HEXA: variants seen among roughly 807,000 people sequenced by gnomAD.
HEXA encodes the protein hexosaminidase subunit alpha, also known as beta-hexosaminidase subunit alpha.
Under a neutral mutation model 73.3 loss-of-function variants are expected in HEXA, and 54 were observed. That is an observed-to-expected ratio of 0.74 (90% CI 0.59 to 0.92). The LOEUF is 0.92. Among genes scored for constraint, HEXA ranks in the 40% least tolerant of loss-of-function variants. The pLI, the probability that HEXA is intolerant of heterozygous loss-of-function variation, is 0.00. For synonymous variants in HEXA, 230 were observed against 246.9 expected, an observed-to-expected ratio of 0.93 and a Z score of 0.64; for missense variants, 649 against 653.0, an observed-to-expected ratio of 0.99 and a Z score of 0.07.
chr15:72,350,481 C>T, intron 7 of HEXA, 37 bp downstream of exon 7: 9 of 1,610,622 alleles, frequency 5.6e-6, no homozygotes, highest in Non-Finnish European at 6.8e-6. Context: ...CTGAGCATAA[C>T]AAGCAGAGTC....
chr15:72,362,354 G>GT (rs2088862362), intron 1 of HEXA: 7 of 431,454 alleles, frequency 1.6e-5, no homozygotes. Flanking sequence ...AAGATATGCT[G>GT]TTTATTTGTC....
At chr15:72,369,159 T>C (rs2088954921) in intron 1 of HEXA, among the ~76,000 whole-genome samples, 1 of 152,200 alleles carries the variant, frequency 6.6e-6, no homozygotes, top group South Asian at 2.1e-4. Context: ...ATGCCACAGC[T>C]TGAAACAGGA....
rs1445600899 is a variant in HEXA at position 72,349,165 on chromosome 15, G to T, written c.900C>A (p.Phe300Leu). The change falls in exon 8 of 14, where the codon TTC becomes TTA. Residue 300 changes from phenylalanine (F) to leucine (L), a missense_variant. Phe to Leu is a conservative substitution (Grantham distance 22). Coordinates refer to ENST00000268097, the MANE Select transcript of HEXA (RefSeq NM_000520.6). ...VNPSLNNTYE[F>L]MSTFFLEVSS... ...TGACTTCTAAGAAGAATGTGCTCAT[G>T]AACTCATAGGTATTATTGAGACTGG... 2 of 1,613,556 alleles carry T rather than the reference G, an allele frequency of 1.2e-6. No individual in the cohort carries two copies. The highest frequency in any genetic ancestry group is 2.2e-5 in the South Asian group (2 of 91,054).
intron 3 of HEXA, chr15:72,355,289 G>A: frequency 2.2e-6 from 1 of 461,810 alleles, no homozygotes; most frequent in South Asian, 2.1e-5. Flanking sequence ...ACTTTGGGAG[G>A]CCGAGATGGG....
chr15:72,358,001 T>C (rs1327280946), intron 1 of HEXA: 2 of 152,044 alleles, frequency 1.3e-5, no homozygotes, highest in South Asian at 2.1e-4. Flanking sequence ...ACCCTAAAAC[T>C]ACATTGTTAC....
chr15:72,356,473 A>G, intron 2 of HEXA, 52 bp downstream of exon 2: 4 of 1,603,670 alleles, frequency 2.5e-6, no homozygotes, highest in South Asian at 1.1e-5. Flanking sequence ...CCAGAGTTAC[A>G]GCTTCAGACA....
At position 72,350,615 on chromosome 15, in the gene HEXA, T is replaced by A; in HGVS notation, c.708A>T (p.Ala236=). 2 of 1,614,060 alleles carry A rather than the reference T, an allele frequency of 1.2e-6. No homozygotes were observed. The highest frequency in any genetic ancestry group is 1.1e-5 in the South Asian group (1 of 91,078). ...ATTCAATGACCTCCTTCACATCCTG[T>A]GCTGTGTAGATGTGGGTGACAGGGT... ...SYNPVTHIYT[A]QDVKEVIEYA... Residue 236 remains alanine (A), a synonymous_variant, in exon 7 of 14, where the codon GCA becomes GCT. Transcript: ENST00000268097.
intron 2 of HEXA, 26 bp downstream of exon 2, chr15:72,356,499 A>AAGAC: frequency 1.2e-6 from 2 of 1,613,256 alleles, no homozygotes; most frequent in Non-Finnish European, 1.7e-6. Context: ...TTGCTCTTCT[A>AAGAC]AGACAGGGAA....
intron 1 of HEXA, among the ~76,000 whole-genome samples, chr15:72,362,740 G>T (rs1339248133): frequency 6.6e-6 from 1 of 151,930 alleles, no homozygotes; most frequent in Admixed American, 6.5e-5. Flanking sequence ...ACTCGTTGCT[G>T]TATTAGGGTC....
chr15:72,374,210 C>T (rs1445266297), intron 1 of HEXA, among the ~76,000 whole-genome samples: 2 of 102,090 alleles, frequency 2.0e-5, no homozygotes, highest in Admixed American at 1.2e-4. Flanking sequence ...TGACATATAC[C>T]AGTTAGACGG....
rs1046379119 is a variant in HEXA, at chr15:72,343,671, A to G, written c.*406T>C. 2.2e-5 allele frequency: 6 copies of G among 274,602 alleles called. No individual in the cohort carries two copies. Among genetic ancestry groups the G allele is most frequent in the African/African-American group, 1.3e-4 (6 of 45,688 alleles). The allele number at this position is 274,602 out of a possible 1,614,324, so 17.0% of individuals were successfully genotyped here. ...GGAGATATAATGCAGAAGTGAAGTG[A>G]GCAGGCTGAGGATTAGGGCAGGTGT... On this transcript the variant is annotated 3_prime_UTR_variant, in exon 14 of 14. Coordinates refer to ENST00000268097, the MANE Select transcript of HEXA (RefSeq NM_000520.6).
At chr15:72,365,367 G>A (rs1454096170) in intron 1 of HEXA, among the ~76,000 whole-genome samples, 1 of 152,188 alleles carries the variant, frequency 6.6e-6, no homozygotes, top group East Asian at 1.9e-4. Flanking sequence ...CCAAAGTGCT[G>A]GGACTACAGG....
chr15:72,344,990 AG>A (rs2088591055), intron 13 of HEXA, among the ~76,000 whole-genome samples: 1 of 152,224 alleles, frequency 6.6e-6, no homozygotes, highest in African/African-American at 2.4e-5. Flanking sequence ...GCTGTGGTGA[AG>A]ACTAAATGAG....
rs754440146 is a variant in HEXA, at chr15:72,346,325, C to T, written c.1331G>A (p.Gly444Asp). The T allele has an allele frequency of 1.9e-6, 3 of 1,613,234 alleles. No homozygotes were observed. The South Asian group carries it at 3.3e-5, about 18-fold the overall frequency. Residue 444 changes from glycine (G) to aspartate (D), a missense_variant and splice_region_variant, in exon 12 of 14, where the codon GGT becomes GAT. Transcript: ENST00000268097. ...FYIVEPLAFE[G>D]TPEQKALVIG... ...CACCAGAGCCTTCTGCTCAGGGGTA[C>T]CTGAGGGAAAACAAGCAACAACAGT...
Position 72,344,109 on chromosome 15 carries a change from C to T in HEXA, c.1558G>A (p.Gly520Ser). Reference protein sequence around the residue: ...RGVQAQPLNVGFCEQEFEQT With the variant: ...RGVQAQPLNVSFCEQEFEQT The stretch of plus-strand genomic sequence containing the variant: ...TGTTCAAACTCCTGCTCACAGAAGC[C>T]TACATTGAGGGGTTGGGCCTGGACA... The change falls in exon 14 of 14, where the codon GGC (glycine) becomes AGC (serine). Residue 520 changes from glycine (G) to serine (S), a missense_variant. Coordinates refer to ENST00000268097, the MANE Select transcript of HEXA (RefSeq NM_000520.6). The T allele has an allele frequency of 6.2e-7, 1 of 1,613,918 alleles. No individual in the cohort carries two copies. Among genetic ancestry groups the T allele is most frequent in the South Asian group, 1.1e-5 (1 of 91,076 alleles).
rs770225296 is a variant in HEXA, at chr15:72,362,459, CAT to C, written c.254-5844_254-5843del. The C allele has an allele frequency of 4.4e-5, 20 of 455,710 alleles. No individual in the cohort carries two copies. The East Asian group carries it at 5.6e-4, about 13-fold the overall frequency. The allele number at this position is 455,710 out of a possible 1,614,324, so 28.2% of individuals were successfully genotyped here. On this transcript the variant is annotated intron_variant, in intron 1 of 13. Transcript: ENST00000268097. ...CCTGACACACAGCAGTCATTCAGTACATGTTTGCTGAAAAAATGAATGATGTT... is the reference window on the plus strand; with the variant it reads ...CCTGACACACAGCAGTCATTCAGTACGTTTGCTGAAAAAATGAATGATGTT...
intron 1 of HEXA, among the ~76,000 whole-genome samples, chr15:72,374,056 T>C (rs187838908): frequency 6.6e-6 from 1 of 150,656 alleles, no homozygotes; most frequent in East Asian, 2.0e-4. Flanking sequence ...TATACAATAG[T>C]AGGAAACAAC....
intron 1 of HEXA, among the ~76,000 whole-genome samples, chr15:72,365,151 G>A (rs1373080878): frequency 5.9e-5 from 9 of 152,110 alleles, no homozygotes; most frequent in African/African-American, 9.7e-5. Flanking sequence ...GTGCAATGGC[G>A]CGATCTCGGC....
rs377740864 is a variant in HEXA, at chr15:72,369,982, T to C, written c.253+5738A>G. On this transcript the variant is annotated intron_variant, in intron 1 of 13. Coordinates refer to ENST00000268097, the MANE Select transcript of HEXA (RefSeq NM_000520.6). ...GCTTGGACTTTTAATTTTTATTGTT[T>C]TATTTTTAAAATCACCAAGTTCTTC... 4.6e-5 allele frequency: 7 copies of C among 152,262 alleles called. No homozygotes were observed. In the South Asian group the frequency reaches 1.5e-3, roughly 32 times the overall value. The allele number at this position is 152,262 out of a possible 1,614,324, so 9.4% of individuals were successfully genotyped here.
Sources: gnomAD v4.1 joint callset for allele counts (sites outside exome capture counted in the v4.1 genomes callset) on GRCh38, gnomAD v4.1.1 for gene constraint, MANE v1.5 for transcripts, NCBI Gene and HGNC (gene_info 2026-07-23, HGNC 2026-07-21) for gene names.